RYR2: variants seen among roughly 807,000 people sequenced by gnomAD.
The protein encoded by RYR2 is ryanodine receptor 2.
RYR2 carries 227 observed loss-of-function variants against 601.1 expected under a neutral mutation model. The ratio of observed to expected loss-of-function variants is 0.38; its 90% confidence interval spans 0.34 to 0.42. The LOEUF is 0.42. Ranked by LOEUF, RYR2 falls within the 10% of genes least tolerant of loss-of-function variation. The probability of loss-of-function intolerance (pLI) is 1.00; values close to 1 mark genes in which losing one functional copy is unlikely to be tolerated. For synonymous variants in RYR2, 2,223 were observed against 2,175.1 expected (o/e 1.02, Z -0.61); for missense variants, 4,646 against 6,156.5 (o/e 0.75, Z 8.21).
chr1:237,771,664 A>G (rs1219337700), intron 85 of RYR2, among the ~76,000 whole-genome samples: 2 of 152,150 alleles, frequency 1.3e-5, no homozygotes, highest in Non-Finnish European at 2.9e-5. Context: ...AGTACTGAGG[A>G]ACAAGTGATT....
At chr1:237,563,411 CA>C (rs35997311) in intron 27 of RYR2, among the ~76,000 whole-genome samples, 3,526 of 132,556 alleles carry the variant, frequency 0.027, 130 homozygotes, top group African/African-American at 0.093. Context: ...AACTCCATCT[CA>C]AAAAAAAAAA....
At chr1:237,720,871 T>A (rs1689661894) in intron 73 of RYR2, among the ~76,000 whole-genome samples, 1 of 152,166 alleles carries the variant, frequency 6.6e-6, no homozygotes, top group Admixed American at 6.5e-5. Flanking sequence ...CTTGTAAGAA[T>A]ATTTTGGACA....
At chr1:237,448,735 T>C (rs1657696445) in intron 14 of RYR2, among the ~76,000 whole-genome samples, 1 of 152,140 alleles carries the variant, frequency 6.6e-6, no homozygotes, top group African/African-American at 2.4e-5. Context: ...GAAATTACCT[T>C]CCTTAACTCT....
At chr1:237,213,808 C>A (rs573772752) in intron 1 of RYR2, among the ~76,000 whole-genome samples, 3 of 151,424 alleles carry the variant, frequency 2.0e-5, no homozygotes, top group Admixed American at 1.3e-4. Flanking sequence ...AAATCTTTAA[C>A]CTATCTGAAA....
chr1:237,515,193 C>T (rs1666296235), intron 24 of RYR2, among the ~76,000 whole-genome samples: 1 of 152,142 alleles, frequency 6.6e-6, no homozygotes, highest in South Asian at 2.1e-4. Context: ...CCAGATGACC[C>T]TCAAATGTGA....
chr1:237,249,290 G>A (rs555823724), intron 1 of RYR2, among the ~76,000 whole-genome samples: 11 of 152,180 alleles, frequency 7.2e-5, no homozygotes, highest in African/African-American at 2.4e-4. Context: ...TAACAGTGCT[G>A]TCTGTCTTCC....
At chr1:237,177,463 A>G (rs965790052) in intron 1 of RYR2, among the ~76,000 whole-genome samples, 1 of 152,158 alleles carries the variant, frequency 6.6e-6, no homozygotes, top group African/African-American at 2.4e-5. Context: ...TTCTAAGCTT[A>G]TTCTCTTGCT....
At chr1:237,573,548 C>A (rs1305728189) in intron 29 of RYR2, among the ~76,000 whole-genome samples, 1 of 148,776 alleles carries the variant, frequency 6.7e-6, no homozygotes, top group Non-Finnish European at 1.5e-5. Context: ...TATAAAGGTA[C>A]TGCTAGGAAC....
intron 9 of RYR2, among the ~76,000 whole-genome samples, 178 bp from the exon 10 acceptor site, chr1:237,387,909 G>A (rs1426592234): frequency 4.7e-5 from 7 of 149,982 alleles, no homozygotes; most frequent in Non-Finnish European, 7.4e-5. Context: ...TGGGACTCGG[G>A]CACCCAGGAC....
chr1:237,565,738 C>T (rs1672001196), intron 27 of RYR2, among the ~76,000 whole-genome samples: 1 of 152,124 alleles, frequency 6.6e-6, no homozygotes, highest in Non-Finnish European at 1.5e-5. Context: ...TTTGAGATAT[C>T]AATTCAATGA....
chr1:237,720,498 A>G (rs1232988670), intron 73 of RYR2, among the ~76,000 whole-genome samples: 1 of 152,248 alleles, frequency 6.6e-6, no homozygotes, highest in East Asian at 1.9e-4. Flanking sequence ...TTAGAGTATG[A>G]TCTCTTTTCA....
At chr1:237,590,272 C>T (rs564532752) in intron 30 of RYR2, among the ~76,000 whole-genome samples, 1 of 151,250 alleles carries the variant, frequency 6.6e-6, no homozygotes, top group Non-Finnish European at 1.5e-5. Context: ...GGGGTTTGTG[C>T]GCATCAAGCT....
At chr1:237,264,023 C>T (rs1314844398) in intron 1 of RYR2, among the ~76,000 whole-genome samples, 1 of 152,006 alleles carries the variant, frequency 6.6e-6, no homozygotes, top group Non-Finnish European at 1.5e-5. Flanking sequence ...TGTGACCTCA[C>T]AGGTTTGTGA....
intron 36 of RYR2, among the ~76,000 whole-genome samples, chr1:237,611,740 T>A (rs562432898): frequency 2.0e-5 from 3 of 152,330 alleles, no homozygotes; most frequent in African/African-American, 7.2e-5. Context: ...CATATTTGTA[T>A]GTTTTAAGTC....
At chr1:237,339,872 C>G (rs1258572731) in intron 3 of RYR2, among the ~76,000 whole-genome samples, 1 of 152,186 alleles carries the variant, frequency 6.6e-6, no homozygotes, top group Non-Finnish European at 1.5e-5. Flanking sequence ...CCCAGGAATT[C>G]CCTGGCAGAA....
At chr1:237,239,135 A>G (rs925143171) in intron 1 of RYR2, among the ~76,000 whole-genome samples, 1 of 152,172 alleles carries the variant, frequency 6.6e-6, no homozygotes, top group Non-Finnish European at 1.5e-5. Context: ...ATATATGTGT[A>G]TATATTTGCT....
intron 2 of RYR2, among the ~76,000 whole-genome samples, chr1:237,297,926 A>ATTT (rs71661539): frequency 0.099 from 13,242 of 133,178 alleles, 873 homozygotes; most frequent in African/African-American, 0.14. Flanking sequence ...AATTTTTTGT[A>ATTT]TTTTTTTTTT....
At chr1:237,275,738 C>A (rs1300219388) in intron 2 of RYR2, among the ~76,000 whole-genome samples, 1 of 151,982 alleles carries the variant, frequency 6.6e-6, no homozygotes, top group Non-Finnish European at 1.5e-5. Context: ...ATAGAATATA[C>A]CTTTCTTTAA....
chr1:237,085,672 G>A (rs1006182601), intron 1 of RYR2, among the ~76,000 whole-genome samples: 1 of 152,204 alleles, frequency 6.6e-6, no homozygotes, highest in Non-Finnish European at 1.5e-5. Context: ...ATCTCAGTTG[G>A]AGGGGCCTGG....
Sources: allele counts gnomAD v4.1 joint callset (sites outside exome capture counted in the v4.1 genomes callset), GRCh38; gene constraint gnomAD v4.1.1; transcripts MANE v1.5; gene names NCBI Gene and HGNC (gene_info 2026-07-23, HGNC 2026-07-21).